The following EHMT1 variants were observed in gnomAD, a reference collection of about 807,000 sequenced individuals.
The protein encoded by EHMT1 is histone-lysine N-methyltransferase EHMT1.
EHMT1 carries 15 observed loss-of-function variants against 147.2 expected under a neutral mutation model. That is an observed-to-expected ratio of 0.10 (90% CI 0.07 to 0.16). EHMT1 has a LOEUF of 0.16. Ranked by LOEUF, EHMT1 falls within the 10% of genes least tolerant of loss-of-function variation. The probability of loss-of-function intolerance (pLI) is 1.00; values close to 1 mark genes in which losing one functional copy is unlikely to be tolerated. For missense variants in EHMT1, 1,587 were observed against 1,772.4 expected, an observed-to-expected ratio of 0.90 and a Z score of 1.88; for synonymous variants, 795 against 709.6, an observed-to-expected ratio of 1.12 and a Z score of -1.91.
chr9:137,743,352 CTTTTT>C lies in EHMT1; in HGVS notation c.824-7_824-3del, dbSNP rs34385417. 3 of 1,492,786 alleles carry C rather than the reference CTTTTT, an allele frequency of 2.0e-6. No homozygotes were observed. Among genetic ancestry groups the C allele is most frequent in the Admixed American group, 2.1e-5 (1 of 46,802 alleles). 92.5% of individuals were successfully genotyped at this position (1,492,786 alleles called of 1,614,324 possible). A position where few individuals can be genotyped will look rare whatever the true frequency, so the allele number is the denominator to read the frequency against. ...CTTTTCCTTTCTTGTCCCCTTTTGA[CTTTTT>C]TTTTTTTTTTTAGCTTGCTTGCCTT... On this transcript the variant is annotated splice_polypyrimidine_tract_variant and intron_variant, in intron 4 of 26. Transcript: ENST00000460843.
At chr9:137,624,663 T>C (rs1408340440) in intron 1 of EHMT1, among the ~76,000 whole-genome samples, 2 of 152,212 alleles carry the variant, frequency 1.3e-5, no homozygotes, top group Middle Eastern at 3.4e-3. Flanking sequence ...GGTTTTACCA[T>C]GTTGGCCAGG....
chr9:137,827,285 C>T (rs536981872), intron 25 of EHMT1, among the ~76,000 whole-genome samples: 8 of 152,292 alleles, frequency 5.3e-5, no homozygotes, highest in Non-Finnish European at 1.0e-4. Context: ...CCCCACCCAC[C>T]CGAGGCAGCA....
At chr9:137,796,490 G>A (rs1048281901) in intron 16 of EHMT1, among the ~76,000 whole-genome samples, 1 of 151,930 alleles carries the variant, frequency 6.6e-6, no homozygotes, top group Non-Finnish European at 1.5e-5. Context: ...GGATCATGAG[G>A]TCAGGAGATC....
intron 4 of EHMT1, among the ~76,000 whole-genome samples, chr9:137,741,007 C>T (rs866798831): frequency 2.3e-5 from 3 of 132,898 alleles, no homozygotes; most frequent in East Asian, 2.1e-4. Flanking sequence ...GACAGAGTCT[C>T]GCTGTGTTGC....
At chr9:137,784,296 G>A (rs1951791985) in intron 15 of EHMT1, 31 of 1,439,212 alleles carry the variant, frequency 2.2e-5, no homozygotes, top group African/African-American at 2.8e-5. Context: ...TCAGAGAGGC[G>A]TGGCTCCATC....
chr9:137,821,318 CTTTTTTTTTT>C (rs778919891), intron 25 of EHMT1, among the ~76,000 whole-genome samples: 2 of 63,980 alleles, frequency 3.1e-5, no homozygotes, highest in Non-Finnish European at 5.2e-5. Context: ...TGCGCCCGGC[CTTTTTTTTTT>C]TTTTTTTTTT....
intron 1 of EHMT1, among the ~76,000 whole-genome samples, chr9:137,632,984 C>T (rs987155990): frequency 2.6e-5 from 4 of 152,112 alleles, no homozygotes; most frequent in African/African-American, 4.8e-5. Context: ...GTGTGAAGAA[C>T]GGATTGTAGA....
chr9:137,830,875 T>C (rs1213518548), intron 25 of EHMT1, among the ~76,000 whole-genome samples: 1 of 152,246 alleles, frequency 6.6e-6, no homozygotes, highest in African/African-American at 2.4e-5. Flanking sequence ...GTATTCTGTT[T>C]CCTGCTGTCT....
rs1950934653 is a variant in EHMT1 at position 137,776,069 on chromosome 9, C to G, written c.1792-549C>G. 6.6e-6 allele frequency among the ~76,000 whole-genome samples: 1 copy of G among 152,190 alleles called. No individual in the cohort carries two copies. The highest frequency in any genetic ancestry group is 1.5e-5 in the Non-Finnish European group (1 of 68,038). On this transcript the variant is annotated intron_variant, in intron 11 of 26. Transcript: ENST00000460843. The surrounding 1 kb of genome is among the most constrained non-coding windows in gnomAD (Gnocchi z 4.4). ...TTTGGGAGACTTTCTTTGGACTTCA[C>G]ACCTTGCATGTCCTCCCCATCTTCA...
intron 1 of EHMT1, among the ~76,000 whole-genome samples, chr9:137,675,937 CTA>C (rs1941252390): frequency 6.6e-6 from 1 of 150,976 alleles, no homozygotes; most frequent in Non-Finnish European, 1.5e-5. Context: ...GCGCCCGCCA[CTA>C]CGCCCGGCTA....
chr9:137,718,023 T>G (rs993017211), intron 3 of EHMT1, among the ~76,000 whole-genome samples: 1 of 144,948 alleles, frequency 6.9e-6, no homozygotes, highest in South Asian at 2.2e-4. Flanking sequence ...ACCCCTCGCA[T>G]GCACCATGAT....
Position 137,717,065 on chromosome 9 carries a change from A to T in EHMT1, c.525A>T (p.Pro175=), listed in dbSNP as rs138790341. ...PSAFPQTPAA[P]PATLGEGSAD... ...CTTTTCCCCAGACGCCAGCCGCCCC[A>T]CCAGCCACCCTTGGGGAGGGGAGTG... The change falls in exon 3 of 27, where the codon CCA becomes CCT. Residue 175 remains proline, a synonymous_variant. Transcript: ENST00000460843. 45 of 1,607,474 alleles carry T rather than the reference A, an allele frequency of 2.8e-5. No homozygotes were observed. In the African/African-American group the frequency reaches 5.5e-4, roughly 20 times the overall value.
intron 1 of EHMT1, among the ~76,000 whole-genome samples, chr9:137,687,126 A>T (rs1942523764): frequency 6.6e-6 from 1 of 152,130 alleles, no homozygotes; most frequent in South Asian, 2.1e-4. Flanking sequence ...TCAAATATCG[A>T]TATACTGTAA....
intron 13 of EHMT1, among the ~76,000 whole-genome samples, chr9:137,779,346 T>C (rs927133300): frequency 1.8e-4 from 27 of 152,248 alleles, no homozygotes; most frequent in African/African-American, 6.3e-4. Flanking sequence ...TGTCGTCGTG[T>C]TGTGTAAAAG....
intron 23 of EHMT1, chr9:137,816,461 T>A: frequency 3.0e-6 from 1 of 338,790 alleles, no homozygotes; most frequent in South Asian, 2.4e-5. Flanking sequence ...TCCCTAACAG[T>A]GAGGTGATGT....
intron 9 of EHMT1, among the ~76,000 whole-genome samples, chr9:137,759,428 T>A (rs1009978641): frequency 3.3e-5 from 5 of 152,136 alleles, no homozygotes; most frequent in Admixed American, 1.3e-4. Context: ...GCATGCTGAG[T>A]GGCAGGAGAC....
rs1039553078 is a variant in EHMT1 at position 137,619,736 on chromosome 9, G to A, written c.21+687G>A. Among the ~76,000 whole-genome samples, 10 of 152,174 alleles carry A rather than the reference G, an allele frequency of 6.6e-5. No individual in the cohort carries two copies. The East Asian group carries it at 1.9e-3, about 29-fold the overall frequency. ...AAAAAGTTCACATTCTTTTGTTAAT[G>A]GTCTCGGCCTTCCCCGTGCTCATTC... is the stretch of plus-strand genomic sequence containing the variant. On this transcript the variant is annotated intron_variant, in intron 1 of 26. Transcript: ENST00000460843.
At chr9:137,737,583 C>T (rs2135944763) in intron 4 of EHMT1, among the ~76,000 whole-genome samples, 1 of 152,198 alleles carries the variant, frequency 6.6e-6, no homozygotes, top group South Asian at 2.1e-4. Context: ...ACAAAGGCTC[C>T]ACAACCTTGG....
intron 18 of EHMT1, among the ~76,000 whole-genome samples, chr9:137,805,957 G>A (rs1043681770): frequency 3.3e-5 from 5 of 150,384 alleles, no homozygotes; most frequent in African/African-American, 4.9e-5. Context: ...GACTGTGCCC[G>A]GCCTGGTTTT....
Sources: allele counts gnomAD v4.1 joint callset (sites outside exome capture counted in the v4.1 genomes callset), GRCh38; gene constraint gnomAD v4.1.1; non-coding constraint Gnocchi (gnomAD v3.1); transcripts MANE v1.5; gene names NCBI Gene and HGNC (gene_info 2026-07-23, HGNC 2026-07-21).